ITPR3: variants seen among roughly 807,000 people sequenced by gnomAD.
The protein encoded by ITPR3 is inositol 1,4,5-trisphosphate receptor type 3.
In ITPR3, 173 loss-of-function variants were observed where a neutral mutation model predicts 293.2. The ratio of observed to expected loss-of-function variants is 0.59; its 90% CI spans 0.52 to 0.67. The LOEUF is 0.67. ITPR3 is among the 30% of genes least tolerant of loss of function. ITPR3 has a pLI of 0.00. For missense variants in ITPR3, 2,796 were observed against 3,592.1 expected (o/e 0.78, Z 5.66); for synonymous variants, 1,295 against 1,444.4 (o/e 0.90, Z 2.35).
intron 32 of ITPR3, 38 bp from the exon 33 acceptor site, chr6:33,680,517 T>C: frequency 1.2e-6 from 2 of 1,610,922 alleles, no homozygotes; most frequent in South Asian, 1.1e-5. Context: ...AGGGGCCCCA[T>C]GTGAGGAGCC....
At chr6:33,677,861 C>A (rs1764952133) in intron 28 of ITPR3, among the ~76,000 whole-genome samples, 1 of 152,152 alleles carries the variant, frequency 6.6e-6, no homozygotes, top group Admixed American at 6.5e-5. Flanking sequence ...TTGACCCCAG[C>A]CTTATGCTGA....
Position 33,683,999 on chromosome 6 carries a change from A to T in ITPR3, c.4789-21A>T. On this transcript the variant is annotated intron_variant, in intron 35 of 57. Coordinates refer to ENST00000605930, the MANE Select transcript of ITPR3 (RefSeq NM_002224.4). This position sits in a 1 kb window ranked among gnomAD's most constrained non-coding sequence, Gnocchi z 4.5. ...GGGTCATTTCTTGGGCCTGGCAATGACTCTGCCCTGCCCACCCCAGGACAT... is the reference window on the plus strand; with the variant it reads ...GGGTCATTTCTTGGGCCTGGCAATGTCTCTGCCCTGCCCACCCCAGGACAT... 6.3e-7 allele frequency: 1 copy of T among 1,580,116 alleles called. No individual in the cohort carries two copies. The highest frequency in any genetic ancestry group is 8.6e-7 in the Non-Finnish European group (1 of 1,161,824).
Position 33,687,945 on chromosome 6 carries a change from A to T in ITPR3, c.6265-112A>T. The stretch of plus-strand genomic sequence containing the variant: ...CTTGGCCTGCTCTGGCTTGGCGGGG[A>T]CACTCGCTGAAGTGTAGTTCAGAGC... On this transcript the variant is annotated intron_variant, in intron 46 of 57. Coordinates refer to ENST00000605930, the MANE Select transcript of ITPR3 (RefSeq NM_002224.4). The surrounding 1 kb of genome is among the most constrained non-coding windows in gnomAD (Gnocchi z 5.3). The T allele has an allele frequency of 1.2e-6, 1 of 816,798 alleles. No individual in the cohort carries two copies. The highest frequency in any genetic ancestry group is 1.9e-6 in the Non-Finnish European group (1 of 516,760). The allele number at this position is 816,798 out of a possible 1,614,324, so 50.6% of individuals were successfully genotyped here. A position where few individuals can be genotyped will look rare whatever the true frequency, so the allele number is the denominator to read the frequency against.
intron 12 of ITPR3, 27 bp from the exon 13 acceptor site, chr6:33,665,026 G>C (rs569682068): frequency 1.2e-6 from 2 of 1,613,600 alleles, no homozygotes; most frequent in Admixed American, 1.7e-5. Flanking sequence ...TTGTTCCCAG[G>C]TGCCCTGCTG....
chr6:33,690,278 G>T (rs1190180385), intron 51 of ITPR3, 80 bp downstream of exon 51: 4 of 1,345,914 alleles, frequency 3.0e-6, no homozygotes, highest in South Asian at 1.3e-5. Context: ...GCAGTTCCCC[G>T]GCACCAGTCT....
chr6:33,658,022 A>G lies in ITPR3; in HGVS notation c.369+4A>G. On this transcript the variant is annotated splice_donor_region_variant and intron_variant, in intron 4 of 57. Coordinates refer to ENST00000605930, the MANE Select transcript of ITPR3 (RefSeq NM_002224.4). This position sits in a 1 kb window ranked among gnomAD's most constrained non-coding sequence, Gnocchi z 6.1. ...GAAGTATGGCAGTGTGATCCAGGTG[A>G]GGCTGGCCTGCCTCTCTCCCGCCTG... The G allele has an allele frequency of 1.2e-6, 2 of 1,609,234 alleles. No homozygotes were observed.
intron 2 of ITPR3, among the ~76,000 whole-genome samples, chr6:33,644,144 T>C (rs993147592): frequency 6.6e-6 from 1 of 152,146 alleles, no homozygotes; most frequent in Non-Finnish European, 1.5e-5. Flanking sequence ...GAGCTGAGAT[T>C]GTGCCACTGC....
Position 33,655,894 on chromosome 6 carries a change from G to T in ITPR3, c.282+7G>T. 1 of 1,613,922 alleles carries T rather than the reference G, an allele frequency of 6.2e-7. No individual in the cohort carries two copies. On this transcript the variant is annotated splice_region_variant and intron_variant, in intron 3 of 57. Coordinates refer to ENST00000605930, the MANE Select transcript of ITPR3 (RefSeq NM_002224.4). The surrounding 1 kb of genome is among the most constrained non-coding windows in gnomAD (Gnocchi z 4.9). ...GTTGCTGCAGAAGCTGCAGGTATGT[G>T]TGTGTGTGCAGGCGTGCATCTGTGC...
chr6:33,689,969 G>A (rs1433860887), intron 50 of ITPR3, 65 bp from the exon 51 acceptor site: 4 of 1,583,204 alleles, frequency 2.5e-6, no homozygotes, highest in East Asian at 2.2e-5. Context: ...GGCACTGGGG[G>A]ACATGCGTGC....
rs1239011035 is a variant in ITPR3, at chr6:33,666,978, G to A, written c.1552-151G>A. ...AGCTGGGGCTGAGGATGGCTGGGCT[G>A]GGGTTGTGGTCCAGCTTAGAATCAG... is the stretch of plus-strand genomic sequence containing the variant. On this transcript the variant is annotated intron_variant, in intron 14 of 57. Coordinates refer to ENST00000605930, the MANE Select transcript of ITPR3 (RefSeq NM_002224.4). The surrounding 1 kb of genome is among the most constrained non-coding windows in gnomAD (Gnocchi z 5.1). 2 of 891,974 alleles carry A rather than the reference G, an allele frequency of 2.2e-6. No individual in the cohort carries two copies. Among genetic ancestry groups the A allele is most frequent in the Admixed American group, 4.9e-5 (2 of 40,462 alleles). 55.3% of individuals were successfully genotyped at this position (891,974 alleles called of 1,614,324 possible). A position where few individuals can be genotyped will look rare whatever the true frequency, so the allele number is the denominator to read the frequency against.
chr6:33,675,098 C>T lies in ITPR3; in HGVS notation c.3117-593C>T, dbSNP rs1886527. Among the ~76,000 whole-genome samples the T allele has an allele frequency of 0.017, 2,626 of 152,238 alleles. 36 individuals are homozygous for T. Among genetic ancestry groups the T allele is most frequent in the Non-Finnish European group, 0.025 (1,672 of 68,022 alleles). ...GCCCCGCTTCTATCCATGAATCCCC[C>T]GCATGGTGGCAGTGGGATCTGTGTT... is the stretch of plus-strand genomic sequence containing the variant. On this transcript the variant is annotated intron_variant, in intron 24 of 57. Coordinates refer to ENST00000605930, the MANE Select transcript of ITPR3 (RefSeq NM_002224.4). The surrounding 1 kb of genome is among the most constrained non-coding windows in gnomAD (Gnocchi z 5.0).
chr6:33,671,716 G>T (rs1764772351), intron 21 of ITPR3, among the ~76,000 whole-genome samples: 1 of 152,182 alleles, frequency 6.6e-6, no homozygotes, highest in African/African-American at 2.4e-5. Context: ...GGTTTTCGGG[G>T]CTGTCCTCCC....
In ITPR3 at chr6:33,693,633, C is replaced by A. The variant is rs1253218788; in HGVS notation, c.7713C>A (p.Phe2571Leu). 6.2e-7 allele frequency: 1 copy of A among 1,614,218 alleles called. No homozygotes were observed. Among genetic ancestry groups the A allele is most frequent in the African/African-American group, 1.3e-5 (1 of 75,058 alleles). The change falls in exon 56 of 58, where the codon TTC (phenylalanine) becomes TTA (leucine). Residue 2571 changes from phenylalanine (F) to leucine (L), a missense_variant. Phe to Leu is a conservative substitution (Grantham distance 22). Around this residue, in one of 8 missense-constraint regions of ITPR3, gnomAD observed 568 missense variants for 796.1 expected, o/e 0.71. Transcript: ENST00000605930. ...LEHNMWNYLY[F>L]IVLVRVKNKT... ...ACAACATGTGGAACTACTTGTACTT[C>A]ATTGTGCTGGTCCGCGTGAAGAACA...
intron 7 of ITPR3, among the ~76,000 whole-genome samples, chr6:33,660,466 C>T (rs1301781219): frequency 6.6e-6 from 1 of 152,100 alleles, no homozygotes; most frequent in Non-Finnish European, 1.5e-5. Context: ...ATCCTTCTTA[C>T]CTCCTGGGCT....
In ITPR3 at chr6:33,687,311, A is replaced by G. The variant is rs200715853; in HGVS notation, c.6161A>G (p.Tyr2054Cys). The G allele has an allele frequency of 7.1e-5, 115 of 1,610,930 alleles. 1 individual carries two copies. The highest frequency in any genetic ancestry group is 2.7e-5 in the African/African-American group (2 of 74,684). ...CCACGTGAAGTGGGCCATAACATCT[A>G]TATCCTGGCGCTGCAGGTACCAGTT... ...VSPREVGHNI[Y>C]ILALQLSRHN... The change falls in exon 45 of 58, where the codon TAT becomes TGT. Residue 2054 changes from tyrosine (Y) to cysteine (C), a missense_variant. This residue lies in a region of ITPR3 where 704 missense variants were observed against 797.5 expected (regional missense o/e 0.88). Coordinates refer to ENST00000605930, the MANE Select transcript of ITPR3 (RefSeq NM_002224.4). This position sits in a 1 kb window ranked among gnomAD's most constrained non-coding sequence, Gnocchi z 5.3.
chr6:33,667,578 G>A lies in ITPR3; in HGVS notation c.1714-214G>A, dbSNP rs1764644071. On this transcript the variant is annotated intron_variant, in intron 15 of 57. Transcript: ENST00000605930. The surrounding 1 kb of genome is among the most constrained non-coding windows in gnomAD (Gnocchi z 4.4). ...CCACACAAACAAGGTCCCTGCCCTC[G>A]TGGAGGTTTCGCTCTGGTGGGAAAC... is the stretch of plus-strand genomic sequence containing the variant. Among the ~76,000 whole-genome samples, 1 of 152,206 alleles carries A rather than the reference G, an allele frequency of 6.6e-6. No homozygotes were observed. The highest frequency in any genetic ancestry group is 1.5e-5 in the Non-Finnish European group (1 of 68,042).
In ITPR3 at chr6:33,654,334, C is replaced by T. The variant is rs557152479; in HGVS notation, c.161-1432C>T. 3.9e-5 allele frequency among the ~76,000 whole-genome samples: 6 copies of T among 152,212 alleles called. No individual in the cohort carries two copies. The highest frequency in any genetic ancestry group is 2.1e-4 in the South Asian group (1 of 4,810). On this transcript the variant is annotated intron_variant, in intron 2 of 57. Transcript: ENST00000605930. This position sits in a 1 kb window ranked among gnomAD's most constrained non-coding sequence, Gnocchi z 4.1. ...CTCTCCAACAAACTGAGTGCTCTTT[C>T]GGAAGTGATGTCCACTCATGCTGGC...
chr6:33,673,447 G>T, intron 22 of ITPR3, 144 bp from the exon 23 acceptor site: 1 of 1,016,288 alleles, frequency 9.8e-7, no homozygotes. Flanking sequence ...CATCCCAAAT[G>T]ACTGTGCTGA....
intron 22 of ITPR3, 82 bp from the exon 23 acceptor site, chr6:33,673,509 G>GC: frequency 6.4e-7 from 1 of 1,560,018 alleles, no homozygotes; most frequent in Non-Finnish European, 8.7e-7. Context: ...CCTGCCCCCT[G>GC]CCCCCCATAA....
Sources: allele counts gnomAD v4.1 joint callset (sites outside exome capture counted in the v4.1 genomes callset), GRCh38; gene constraint gnomAD v4.1.1; regional missense constraint gnomAD v4.1.1; non-coding constraint Gnocchi (gnomAD v3.1); transcripts MANE v1.5; gene names NCBI Gene and HGNC (gene_info 2026-07-23, HGNC 2026-07-21).